The following HTT variants were observed in gnomAD, a reference collection of about 807,000 sequenced individuals.
HTT encodes the protein huntington disease protein.
Under a neutral mutation model 362.3 loss-of-function variants are expected in HTT, and 104 were observed. The ratio of observed to expected loss-of-function variants is 0.29; its 90% confidence interval spans 0.24 to 0.34. The LOEUF is 0.34. Ranked by LOEUF, HTT falls within the 10% of genes least tolerant of loss-of-function variation. The probability of loss-of-function intolerance (pLI) is 1.00; values close to 1 mark genes in which losing one functional copy is unlikely to be tolerated. For synonymous variants in HTT, 1,577 were observed against 1,548.7 expected, an observed-to-expected ratio of 1.02 and a Z score of -0.43; for missense variants, 3,301 against 3,928.6, an observed-to-expected ratio of 0.84 and a Z score of 4.27.
intron 6 of HTT, 31 bp from the exon 7 acceptor site, chr4:3,115,272 TC>T: frequency 6.2e-7 from 1 of 1,604,104 alleles, no homozygotes; most frequent in Non-Finnish European, 8.5e-7. Context: ...AGGAGCTTCA[TC>T]TTTTATCTAC....
In HTT at chr4:3,134,441, T is replaced by G; in HGVS notation, c.2534T>G (p.Leu845Ter). 6.2e-7 allele frequency: 1 copy of G among 1,613,900 alleles called. No individual in the cohort carries two copies. The highest frequency in any genetic ancestry group is 8.5e-7 in the Non-Finnish European group (1 of 1,179,772). Reference protein sequence around the residue: ...MSLCSSSYSELGLQLIIDVLT... With the variant: ...MSLCSSSYSE ...CTCTGCAGCAGCAGCTACAGTGAGT[T>G]AGGACTGCAGCTGATCATCGATGTG... is the stretch of plus-strand genomic sequence containing the variant. Residue 845 changes from leucine to a stop codon, truncating the protein, a stop_gained, in exon 19 of 67, where the codon TTA (leucine) becomes TGA (stop). Coordinates refer to ENST00000355072, the MANE Select transcript of HTT (RefSeq NM_001388492.1). LOFTEE classifies it high-confidence loss of function.
intron 38 of HTT, among the ~76,000 whole-genome samples, chr4:3,187,149 G>C (rs1267177620): frequency 1.4e-5 from 2 of 147,748 alleles, no homozygotes; most frequent in African/African-American, 5.0e-5. Context: ...GTGAGCCACC[G>C]CACCCGGCCT....
At chr4:3,147,067 G>A in intron 25 of HTT, 119 bp downstream of exon 25, 1 of 972,992 alleles carries the variant, frequency 1.0e-6, no homozygotes, top group South Asian at 1.4e-5. Context: ...GTGATGGCTT[G>A]TCCCTTTAGT....
In HTT at chr4:3,199,747, T is replaced by C. The variant is rs1478042225; in HGVS notation, c.5384T>C (p.Ile1795Thr). The change falls in exon 41 of 67, where the codon ATC becomes ACC. Residue 1795 changes from isoleucine (I) to threonine (T), a missense_variant. Physicochemically the swap from Ile to Thr is moderately conservative, Grantham distance 89 (BLOSUM62 -1). Coordinates refer to ENST00000355072, the MANE Select transcript of HTT (RefSeq NM_001388492.1). ...HIFKSGMFRR[I>T]TAAATRLFRS... ...TTGTTTCTAGGAATGTTCCGGAGAATCACAGCAGCTGCCACTAGGCTGTTC... is the reference window on the plus strand; with the variant it reads ...TTGTTTCTAGGAATGTTCCGGAGAACCACAGCAGCTGCCACTAGGCTGTTC... 4 of 1,613,976 alleles carry C rather than the reference T, an allele frequency of 2.5e-6. No individual in the cohort carries two copies. The South Asian group carries it at 3.3e-5, about 13-fold the overall frequency.
At chr4:3,080,124 C>T (rs184926525) in intron 1 of HTT, among the ~76,000 whole-genome samples, 13 of 147,850 alleles carry the variant, frequency 8.8e-5, no homozygotes, top group African/African-American at 2.3e-4. Flanking sequence ...AACGGAGTTT[C>T]GCTCTTGTCA....
chr4:3,178,440 A>G lies in HTT; in HGVS notation c.4606A>G (p.Thr1536Ala), dbSNP rs370489589. Residue 1536 changes from threonine to alanine, a missense_variant, in exon 35 of 67, where the codon ACA becomes GCA. By Grantham distance (58) the Thr-to-Ala change is moderately conservative. Around this residue, in one of 4 missense-constraint regions of HTT, gnomAD observed 2,316 missense variants for 2,658.5 expected, o/e 0.87. Transcript: ENST00000355072. ...GIMASGRKAV[T>A]HAIPALQPIV... is the part of the protein sequence containing the mutation. The stretch of plus-strand genomic sequence containing the variant: ...CATGGCCAGTGGAAGGAAGGCTGTG[A>G]CACATGGTAACGGGACACACCTTTC... 1.9e-6 allele frequency: 3 copies of G among 1,613,430 alleles called. No homozygotes were observed. Among genetic ancestry groups the G allele is most frequent in the African/African-American group, 2.7e-5 (2 of 74,872 alleles).
Position 3,228,439 on chromosome 4 carries a change from C to A in HTT, c.7849-176C>A, listed in dbSNP as rs1247622464. On this transcript the variant is annotated intron_variant, in intron 57 of 66. Coordinates refer to ENST00000355072, the MANE Select transcript of HTT (RefSeq NM_001388492.1). The surrounding 1 kb of genome is among the most constrained non-coding windows in gnomAD (Gnocchi z 4.3). ...GGAGCTTCCCAGCAGCTGTCCAGCCCCTGCCCCACCCTCTCTGTGGGCTCC... is the reference window on the plus strand; with the variant it reads ...GGAGCTTCCCAGCAGCTGTCCAGCCACTGCCCCACCCTCTCTGTGGGCTCC... 6.6e-6 allele frequency among the ~76,000 whole-genome samples: 1 copy of A among 152,192 alleles called. No homozygotes were observed. Among genetic ancestry groups the A allele is most frequent in the African/African-American group, 2.4e-5 (1 of 41,450 alleles).
At chr4:3,180,790 C>T (rs1225932285) in intron 36 of HTT, 139 bp downstream of exon 36, 7 of 61,344 alleles carry the variant, frequency 1.1e-4, no homozygotes, top group Admixed American at 7.2e-4. Flanking sequence ...GGGTAGATGC[C>T]GGTGCAGGGG....
intron 6 of HTT, among the ~76,000 whole-genome samples, chr4:3,108,368 A>G (rs947625599): frequency 2.0e-5 from 3 of 152,220 alleles, no homozygotes; most frequent in African/African-American, 7.2e-5. Flanking sequence ...GATGAATCTA[A>G]AGAATTTAGT....
At chr4:3,221,484 A>ATT (rs1315658439) in intron 53 of HTT, among the ~76,000 whole-genome samples, 3 of 151,592 alleles carry the variant, frequency 2.0e-5, no homozygotes, top group African/African-American at 4.9e-5. Context: ...TTCTTTGTTC[A>ATT]TTTTTTTCCC....
At chr4:3,101,479 T>C (rs1056330744) in intron 3 of HTT, among the ~76,000 whole-genome samples, 7 of 152,228 alleles carry the variant, frequency 4.6e-5, no homozygotes, top group African/African-American at 1.7e-4. Flanking sequence ...TGGCTAGGTT[T>C]GCTCTCACTG....
At chr4:3,204,956 C>T (rs996928967) in intron 42 of HTT, among the ~76,000 whole-genome samples, 4 of 152,154 alleles carry the variant, frequency 2.6e-5, no homozygotes, top group Admixed American at 1.3e-4. Context: ...GCACTCCGGC[C>T]TGGGTGACAA....
At chr4:3,188,131 C>T in intron 39 of HTT, 1 of 390,744 alleles carries the variant, frequency 2.6e-6, no homozygotes, top group East Asian at 4.7e-5. Flanking sequence ...AGTGGCTCGC[C>T]TCAGGCAGGG....
intron 8 of HTT, 52 bp downstream of exon 8, chr4:3,116,315 A>G: frequency 6.9e-7 from 1 of 1,445,358 alleles, no homozygotes; most frequent in Non-Finnish European, 9.7e-7. Flanking sequence ...CTGACATTCA[A>G]AGAACCGATT....
chr4:3,204,233 C>G (rs555582289), intron 42 of HTT, 85 bp downstream of exon 42: 1 of 1,436,308 alleles, frequency 7.0e-7, no homozygotes, highest in African/African-American at 1.4e-5. Context: ...CATGGACCCT[C>G]TGGAACCCAG....
chr4:3,159,442 A>G lies in HTT; in HGVS notation c.3754-840A>G, dbSNP rs1314738042. Among the ~76,000 whole-genome samples the G allele has an allele frequency of 2.0e-5, 3 of 152,152 alleles. No homozygotes were observed. In the East Asian group the frequency reaches 5.8e-4, roughly 29 times the overall value. On this transcript the variant is annotated intron_variant, in intron 28 of 66. Transcript: ENST00000355072. Reference sequence around the variant, plus strand: ...CTTTCTTCCCTGGGCTCTTCATCTCACATGACATCACCACATCACCTCGTT... The same window carrying G: ...CTTTCTTCCCTGGGCTCTTCATCTCGCATGACATCACCACATCACCTCGTT...
At position 3,215,134 on chromosome 4, in the gene HTT, T is replaced by C. The variant is rs768259490; in HGVS notation, c.6977T>C (p.Leu2326Pro). ...EAVAVQPGEQ[L>P]LSPERRTNTP... ...GTTGCAGTGCAGCCTGGAGAGCAGC[T>C]TCTTAGTCCAGAAAGAAGGACAAAT... The change falls in exon 51 of 67, where the codon CTT becomes CCT. Residue 2326 changes from leucine (L) to proline (P), a missense_variant. Physicochemically the swap from Leu to Pro is moderately conservative, Grantham distance 98. This residue lies in a region of HTT where 220 missense variants were observed against 218.5 expected (regional missense o/e 1.01). Coordinates refer to ENST00000355072, the MANE Select transcript of HTT (RefSeq NM_001388492.1). The C allele has an allele frequency of 6.2e-7, 1 of 1,614,100 alleles. No homozygotes were observed. Among genetic ancestry groups the C allele is most frequent in the Non-Finnish European group, 8.5e-7 (1 of 1,179,972 alleles).
intron 41 of HTT, among the ~76,000 whole-genome samples, chr4:3,203,789 G>A (rs1304003604): frequency 6.6e-6 from 1 of 152,198 alleles, no homozygotes; most frequent in Non-Finnish European, 1.5e-5. Flanking sequence ...TTTTCTGCCT[G>A]TTAAATTCTG....
In HTT at chr4:3,074,793, T is replaced by C. The variant is rs1445281706; in HGVS notation, c.-33T>C. The C allele has an allele frequency of 1.3e-6, 2 of 1,508,260 alleles. No individual in the cohort carries two copies. The highest frequency in any genetic ancestry group is 2.7e-5 in the East Asian group (1 of 36,744). 93.4% of individuals were successfully genotyped at this position (1,508,260 alleles called of 1,614,324 possible). On this transcript the variant is annotated 5_prime_UTR_variant, in exon 1 of 67. Transcript: ENST00000355072. The stretch of plus-strand genomic sequence containing the variant: ...CGGCGCCGCGAGTCGGCCCGAGGCC[T>C]CCGGGGACTGCCGTGCCGGGCGGGA...
Sources: allele counts gnomAD v4.1 joint callset (sites outside exome capture counted in the v4.1 genomes callset), GRCh38; gene constraint gnomAD v4.1.1; regional missense constraint gnomAD v4.1.1; non-coding constraint Gnocchi (gnomAD v3.1); transcripts MANE v1.5; gene names NCBI Gene and HGNC (gene_info 2026-07-23, HGNC 2026-07-21).